Variants in LRRTM4 observed in about 807,000 individuals in gnomAD.
LRRTM4 encodes leucine-rich repeat transmembrane neuronal protein 4.
Under a neutral mutation model 47.6 loss-of-function variants are expected in LRRTM4, and 25 were observed. That is an observed-to-expected ratio of 0.53 (90% CI 0.38 to 0.73). The LOEUF (loss-of-function observed/expected upper bound fraction) is 0.73, where lower values mean the gene tolerates loss of function less well. LRRTM4 is among the 30% of genes least tolerant of loss of function. LRRTM4 has a pLI of 0.00. For missense variants in LRRTM4, 638 were observed against 713.4 expected (o/e 0.89, Z 1.20); for synonymous variants, 311 against 269.5 (o/e 1.15, Z -1.51).
rs369667705 is a variant in LRRTM4, at chr2:77,519,260, G to T, written c.609C>A (p.Gly203=). The T allele has an allele frequency of 6.2e-7, 1 of 1,613,358 alleles. No individual in the cohort carries two copies. Among genetic ancestry groups the T allele is most frequent in the Non-Finnish European group, 8.5e-7 (1 of 1,179,586 alleles). The change falls in exon 3 of 4, where the codon GGC becomes GGA. Residue 203 remains glycine, a synonymous_variant. Coordinates refer to ENST00000409884, the MANE Select transcript of LRRTM4 (RefSeq NM_001134745.3). The surrounding 1 kb of genome is among the most constrained non-coding windows in gnomAD (Gnocchi z 4.6). ...LRSLSRNAFA[G]LLKLKELHLE... is the part of the protein sequence containing the mutation. ...GGTGGAGCTCCTTTAACTTCAAGAG[G>T]CCAGCAAATGCATTTCGGGACAAGC...
intron 3 of LRRTM4, among the ~76,000 whole-genome samples, chr2:77,053,144 C>T (rs184533500): frequency 6.6e-6 from 1 of 152,074 alleles, no homozygotes; most frequent in Non-Finnish European, 1.5e-5. Flanking sequence ...AGACAAAATG[C>T]AAATGTATCA....
chr2:77,123,059 A>C (rs894414512), intron 3 of LRRTM4, among the ~76,000 whole-genome samples: 6 of 151,940 alleles, frequency 3.9e-5, no homozygotes, highest in Non-Finnish European at 7.4e-5. Context: ...AATATGCAAA[A>C]AAAAGTTTTA....
At chr2:76,758,136 G>A (rs138702348) in intron 3 of LRRTM4, among the ~76,000 whole-genome samples, 2 of 152,118 alleles carry the variant, frequency 1.3e-5, no homozygotes, top group African/African-American at 2.4e-5. Context: ...TTAAGAACAT[G>A]CATCTTGCCT....
chr2:76,913,973 T>A (rs1423729975), intron 3 of LRRTM4, among the ~76,000 whole-genome samples: 3 of 152,082 alleles, frequency 2.0e-5, no homozygotes, highest in African/African-American at 7.2e-5. Context: ...GAAATGCATA[T>A]CTCTTCAATA....
intron 3 of LRRTM4, among the ~76,000 whole-genome samples, chr2:77,038,773 T>C (rs1678927703): frequency 6.6e-6 from 1 of 151,456 alleles, no homozygotes; most frequent in African/African-American, 2.4e-5. Context: ...ACAATATTGA[T>C]AGGGGAATCA....
At chr2:76,869,655 A>G (rs1672567934) in intron 3 of LRRTM4, among the ~76,000 whole-genome samples, 1 of 152,154 alleles carries the variant, frequency 6.6e-6, no homozygotes, top group Non-Finnish European at 1.5e-5. Context: ...GTGTGATGTA[A>G]GTTAACCTAT....
chr2:77,392,285 C>A (rs1319048127), intron 3 of LRRTM4, among the ~76,000 whole-genome samples: 4 of 151,760 alleles, frequency 2.6e-5, no homozygotes, highest in Non-Finnish European at 4.4e-5. Flanking sequence ...GGAAGCCCTG[C>A]CCCCCACCCA....
intron 3 of LRRTM4, among the ~76,000 whole-genome samples, chr2:77,042,008 A>G (rs1348402124): frequency 2.6e-5 from 3 of 117,568 alleles, no homozygotes; most frequent in African/African-American, 5.2e-5. Context: ...AAGAAAGAAC[A>G]AATAAACATA....
chr2:77,486,964 T>C (rs1038053940), intron 3 of LRRTM4, among the ~76,000 whole-genome samples: 10 of 152,240 alleles, frequency 6.6e-5, no homozygotes, highest in South Asian at 4.1e-4. Context: ...TAAACATTTC[T>C]ACTTGTGCAC....
chr2:76,911,111 A>G (rs781088785), intron 3 of LRRTM4, among the ~76,000 whole-genome samples: 3 of 152,212 alleles, frequency 2.0e-5, no homozygotes, highest in Non-Finnish European at 4.4e-5. Context: ...TCTTTAAAAC[A>G]TATTTTTTGG....
chr2:77,318,092 C>T (rs1558685889), intron 3 of LRRTM4, among the ~76,000 whole-genome samples: 3 of 150,486 alleles, frequency 2.0e-5, no homozygotes, highest in Admixed American at 6.6e-5. Context: ...CTACAAGCTC[C>T]GCCTCCCAGG....
chr2:76,991,663 A>G (rs925128125), intron 3 of LRRTM4, among the ~76,000 whole-genome samples: 44 of 151,868 alleles, frequency 2.9e-4, no homozygotes, highest in African/African-American at 1.0e-3. Flanking sequence ...AACAAAAAAG[A>G]GAACTTGACC....
chr2:77,315,041 A>G (rs1271690239), intron 3 of LRRTM4, among the ~76,000 whole-genome samples: 1 of 152,210 alleles, frequency 6.6e-6, no homozygotes, highest in East Asian at 1.9e-4. Flanking sequence ...TAGGTGTACT[A>G]AATGCATTCT....
chr2:77,008,508 A>C (rs923423614), intron 3 of LRRTM4, among the ~76,000 whole-genome samples: 66 of 152,160 alleles, frequency 4.3e-4, no homozygotes, highest in African/African-American at 1.5e-3. Flanking sequence ...AAGCTTTTTG[A>C]ATAAGGTTGC....
chr2:77,449,368 T>C (rs868781554), intron 3 of LRRTM4, among the ~76,000 whole-genome samples: 9 of 152,286 alleles, frequency 5.9e-5, no homozygotes, highest in African/African-American at 1.9e-4. Flanking sequence ...TTTTAAATAA[T>C]AAAATGATAC....
At chr2:76,905,357 C>T (rs146311701) in intron 3 of LRRTM4, among the ~76,000 whole-genome samples, 9,600 of 152,140 alleles carry the variant, frequency 0.063, 379 homozygotes, top group Non-Finnish European at 0.099. Context: ...TGTACATCAC[C>T]ATCATCAAAG....
At chr2:77,078,145 T>C (rs772891075) in intron 3 of LRRTM4, among the ~76,000 whole-genome samples, 50 of 152,194 alleles carry the variant, frequency 3.3e-4, no homozygotes, top group Non-Finnish European at 2.5e-4. Context: ...ATAAGCAACA[T>C]TGTCATTAAC....
chr2:76,920,637 G>C, intron 3 of LRRTM4, among the ~76,000 whole-genome samples: 1 of 146,116 alleles, frequency 6.8e-6, no homozygotes, highest in East Asian at 2.0e-4. Flanking sequence ...CTTGGAGCTG[G>C]TTTGTTGGTT....
At chr2:76,971,004 A>G (rs1020795291) in intron 3 of LRRTM4, among the ~76,000 whole-genome samples, 4 of 151,996 alleles carry the variant, frequency 2.6e-5, no homozygotes, top group Non-Finnish European at 4.4e-5. Context: ...CTATAGGACA[A>G]AAAATAACAT....
Sources: gnomAD v4.1 joint callset for allele counts (sites outside exome capture counted in the v4.1 genomes callset) on GRCh38, gnomAD v4.1.1 for gene constraint, Gnocchi (gnomAD v3.1) non-coding constraint, MANE v1.5 for transcripts, NCBI Gene and HGNC (gene_info 2026-07-23, HGNC 2026-07-21) for gene names.